Variants in PCDH9 observed in about 807,000 individuals in gnomAD.
PCDH9 encodes the protein protocadherin 9.
A neutral mutation model predicts 70.6 loss-of-function variants in PCDH9; 24 were observed. The ratio of observed to expected loss-of-function variants is 0.34; its 90% CI spans 0.25 to 0.48. The LOEUF is 0.48. Ranked by LOEUF, PCDH9 falls within the 20% of genes least tolerant of loss-of-function variation. The pLI is 0.99. For synonymous variants in PCDH9, 562 were observed against 558.5 expected (o/e 1.01, Z -0.09); for missense variants, 1,281 against 1,503.6 (o/e 0.85, Z 2.45).
At chr13:66,424,580 T>A (rs554832570) in intron 4 of PCDH9, among the ~76,000 whole-genome samples, 1 of 151,988 alleles carries the variant, frequency 6.6e-6, no homozygotes, top group Non-Finnish European at 1.5e-5. Flanking sequence ...AAAGTCTGTA[T>A]AGCTGATGAC....
At chr13:66,988,785 T>C (rs1404629070) in intron 2 of PCDH9, among the ~76,000 whole-genome samples, 1 of 152,000 alleles carries the variant, frequency 6.6e-6, no homozygotes, top group African/African-American at 2.4e-5. Context: ...GATGACTTGT[T>C]CACAGCTTCT....
intron 3 of PCDH9, among the ~76,000 whole-genome samples, chr13:66,865,756 T>C (rs1386049465): frequency 3.9e-5 from 6 of 152,252 alleles, no homozygotes; most frequent in African/African-American, 1.4e-4. Context: ...ATTTTCATTT[T>C]ATACTTCTTT....
Position 67,225,782 on chromosome 13 carries a change from T to C in PCDH9, c.2659A>G (p.Ile887Val), listed in dbSNP as rs2089846950. The change falls in exon 2 of 5, where the codon ATC becomes GTC. Residue 887 changes from isoleucine (I) to valine (V), a missense_variant. By Grantham distance (29) the Ile-to-Val change is conservative. This residue lies in a region of PCDH9 where 207 missense variants were observed against 191.8 expected (regional missense o/e 1.08). Transcript: ENST00000377865. ...GCATCATCGGGTTTGGACTCTTCGATAGTAACAAAGTTCAAAAGAGAGCTT... is the reference window on the plus strand; with the variant it reads ...GCATCATCGGGTTTGGACTCTTCGACAGTAACAAAGTTCAAAAGAGAGCTT... ...PKSSLLNFVT[I>V]EESKPDDAVH... The C allele has an allele frequency of 1.2e-6, 2 of 1,614,196 alleles. No homozygotes were observed. Among genetic ancestry groups the C allele is most frequent in the South Asian group, 1.1e-5 (1 of 91,078 alleles).
intron 4 of PCDH9, among the ~76,000 whole-genome samples, chr13:66,385,662 A>C (rs1956915845): frequency 6.6e-6 from 1 of 152,182 alleles, no homozygotes. Context: ...CCTTCTTATT[A>C]TATAATTTAA....
At chr13:66,798,207 C>T (rs2080274628) in intron 3 of PCDH9, among the ~76,000 whole-genome samples, 1 of 152,096 alleles carries the variant, frequency 6.6e-6, no homozygotes, top group Non-Finnish European at 1.5e-5. Context: ...AAATGTATGG[C>T]TTTCTCTGCA....
chr13:66,889,896 A>ATGGGGATGATGAGTT (rs1272958242), intron 3 of PCDH9, among the ~76,000 whole-genome samples: 3 of 152,162 alleles, frequency 2.0e-5, no homozygotes, highest in African/African-American at 7.2e-5. Flanking sequence ...CTGTGAAGCC[A>ATGGGGATGATGAGTT]TGGGGATGAT....
intron 4 of PCDH9, among the ~76,000 whole-genome samples, chr13:66,414,738 C>A (rs1957433629): frequency 6.6e-6 from 1 of 152,140 alleles, no homozygotes; most frequent in Non-Finnish European, 1.5e-5. Context: ...ATTCTTCTCA[C>A]AATAATTTGT....
chr13:66,821,408 T>C (rs779109126), intron 3 of PCDH9, among the ~76,000 whole-genome samples: 3 of 152,162 alleles, frequency 2.0e-5, no homozygotes, highest in South Asian at 2.1e-4. Flanking sequence ...TATATAAACA[T>C]AAGCTAAATG....
intron 2 of PCDH9, among the ~76,000 whole-genome samples, chr13:67,084,999 T>A (rs9540990): frequency 1.6e-3 from 69 of 42,056 alleles, no homozygotes; most frequent in African/African-American, 4.6e-3. Flanking sequence ...AAAAAAAAAA[T>A]ATATATATAT....
chr13:66,708,406 T>TTG (rs1555324405), intron 3 of PCDH9, among the ~76,000 whole-genome samples: 1 of 148,612 alleles, frequency 6.7e-6, no homozygotes, highest in Admixed American at 6.6e-5. Flanking sequence ...AGATTTAGTT[T>TTG]TTTTTTTTTT....
chr13:66,660,028 G>T (rs1049723826), intron 3 of PCDH9, among the ~76,000 whole-genome samples: 1 of 152,126 alleles, frequency 6.6e-6, no homozygotes, highest in Non-Finnish European at 1.5e-5. Flanking sequence ...GGAGCTAAAC[G>T]AATGCCTAAA....
At chr13:67,067,351 A>C (rs1005660671) in intron 2 of PCDH9, among the ~76,000 whole-genome samples, 8 of 152,112 alleles carry the variant, frequency 5.3e-5, no homozygotes, top group African/African-American at 1.9e-4. Flanking sequence ...ATTTTACCCC[A>C]TGTATCAAAA....
At chr13:66,324,954 T>C (rs1955816710) in intron 4 of PCDH9, among the ~76,000 whole-genome samples, 1 of 151,898 alleles carries the variant, frequency 6.6e-6, no homozygotes, top group South Asian at 2.1e-4. Context: ...CTCACTTCAA[T>C]TGTGGGATAC....
At chr13:67,199,147 C>T (rs1327266930) in intron 2 of PCDH9, among the ~76,000 whole-genome samples, 3 of 151,360 alleles carry the variant, frequency 2.0e-5, no homozygotes, top group African/African-American at 7.3e-5. Flanking sequence ...TCTATCTGAA[C>T]TTATGTATAA....
intron 2 of PCDH9, chr13:67,201,641 TG>T (rs2089215093): frequency 6.6e-6 from 1 of 152,062 alleles, no homozygotes; most frequent in Admixed American, 6.6e-5. Flanking sequence ...CAATTTTTTG[TG>T]TAATTAAAAC....
At chr13:66,853,755 T>G (rs1308425072) in intron 3 of PCDH9, among the ~76,000 whole-genome samples, 1 of 151,802 alleles carries the variant, frequency 6.6e-6, no homozygotes, top group Non-Finnish European at 1.5e-5. Context: ...TTTTTTTTTT[T>G]CAGGAGACAG....
intron 2 of PCDH9, among the ~76,000 whole-genome samples, chr13:67,069,855 T>C (rs1172737526): frequency 6.6e-6 from 1 of 152,118 alleles, no homozygotes; most frequent in Admixed American, 6.6e-5. Context: ...CTTGGGATTG[T>C]CAAATGTTGG....
intron 2 of PCDH9, among the ~76,000 whole-genome samples, chr13:67,124,765 G>A (rs1021948999): frequency 6.6e-6 from 1 of 152,158 alleles, no homozygotes; most frequent in Admixed American, 6.5e-5. Flanking sequence ...GGAGGAAGAG[G>A]AGACAGGAAA....
chr13:66,544,855 A>G (rs962840539), intron 4 of PCDH9, among the ~76,000 whole-genome samples: 8 of 152,158 alleles, frequency 5.3e-5, no homozygotes, highest in Non-Finnish European at 7.3e-5. Context: ...TTTCCTCTCC[A>G]TATGGTTTCA....
Sources: gnomAD v4.1 joint callset for allele counts (sites outside exome capture counted in the v4.1 genomes callset) on GRCh38, gnomAD v4.1.1 for gene constraint, gnomAD v4.1.1 regional missense constraint, MANE v1.5 for transcripts, NCBI Gene and HGNC (gene_info 2026-07-23, HGNC 2026-07-21) for gene names.